The following EPPIN variants were observed in gnomAD, a reference collection of about 807,000 sequenced individuals.
The protein encoded by EPPIN is WAP four-disulfide core domain protein 7.
A neutral mutation model predicts 18.8 loss-of-function variants in EPPIN; 14 were observed. That is an observed-to-expected ratio of 0.75 (90% CI 0.49 to 1.17). The LOEUF (loss-of-function observed/expected upper bound fraction) is 1.17, where lower values mean the gene tolerates loss of function less well. EPPIN is among the 50% of genes most tolerant of loss of function. EPPIN has a pLI of 0.00. For missense variants in EPPIN, 143 were observed against 154.2 expected (o/e 0.93, Z 0.39); for synonymous variants, 57 against 54.8 (o/e 1.04, Z -0.18).
At chr20:45,542,386 T>C in intron 3 of EPPIN, 1 of 653,370 alleles carries the variant, frequency 1.5e-6, no homozygotes, top group South Asian at 2.0e-5. Context: ...TGTCTTAAGT[T>C]TAGCGTCCTG....
At position 45,541,322 on chromosome 20, in the gene EPPIN, A is replaced by G. The variant is rs1254316842; in HGVS notation, c.*822T>C. The G allele has an allele frequency of 1.3e-5, 2 of 152,200 alleles. No homozygotes were observed. Among genetic ancestry groups the G allele is most frequent in the Non-Finnish European group, 2.9e-5 (2 of 68,040 alleles). 9.4% of individuals were successfully genotyped at this position (152,200 alleles called of 1,614,324 possible). A position where few individuals can be genotyped will look rare whatever the true frequency, so the allele number is the denominator to read the frequency against. ...AGGTAATGGGTTGATAGGTGCAGCA[A>G]ACCACCATGGCACAGGCTTACCTAT... On this transcript the variant is annotated 3_prime_UTR_variant, in exon 4 of 4. Coordinates refer to ENST00000354280, the MANE Select transcript of EPPIN (RefSeq NM_020398.4).
Position 45,540,643 on chromosome 20 carries a change from T to A in EPPIN, c.*1501A>T, listed in dbSNP as rs1050194289. ...ACAGACACTTCTCAAAAGAAGACAT[T>A]TATGCGGCCAACAAACATATGAAAA... On this transcript the variant is annotated 3_prime_UTR_variant, in exon 4 of 4. Coordinates refer to ENST00000354280, the MANE Select transcript of EPPIN (RefSeq NM_020398.4). The A allele has an allele frequency of 6.6e-6, 1 of 152,088 alleles. No individual in the cohort carries two copies. Among genetic ancestry groups the A allele is most frequent in the African/African-American group, 2.4e-5 (1 of 41,392 alleles). 9.4% of individuals were successfully genotyped at this position (152,088 alleles called of 1,614,324 possible).
chr20:45,543,882 T>A (rs1979713315), intron 2 of EPPIN: 1 of 152,542 alleles, frequency 6.6e-6, no homozygotes, highest in Admixed American at 6.6e-5. Context: ...TATACCTCCA[T>A]CCCTTTGCAC....
rs1979600812 is a variant in EPPIN at position 45,541,820 on chromosome 20, C to T, written c.*324G>A. On this transcript the variant is annotated 3_prime_UTR_variant, in exon 4 of 4. Transcript: ENST00000354280. Reference sequence around the variant, plus strand: ...AAAGTGTAATGTGCCAAAAAGATGTCAATCACTCAGCCTCAAGGCACAGGA... The same window carrying T: ...AAAGTGTAATGTGCCAAAAAGATGTTAATCACTCAGCCTCAAGGCACAGGA... The T allele has an allele frequency of 6.8e-6, 2 of 292,414 alleles. No homozygotes were observed. Among genetic ancestry groups the T allele is most frequent in the Non-Finnish European group, 1.3e-5 (2 of 156,448 alleles). The allele number at this position is 292,414 out of a possible 1,614,324, so 18.1% of individuals were successfully genotyped here. A position where few individuals can be genotyped will look rare whatever the true frequency, so the allele number is the denominator to read the frequency against.
At chr20:45,542,534 A>G in intron 3 of EPPIN, 166 bp downstream of exon 3, 1 of 1,021,850 alleles carries the variant, frequency 9.8e-7, no homozygotes, top group Non-Finnish European at 1.4e-6. Context: ...TCAGAAAGTA[A>G]CTTTGTCTTG....
intron 1 of EPPIN, 87 bp from the exon 2 acceptor site, chr20:45,545,857 C>A: frequency 6.4e-7 from 1 of 1,560,644 alleles, no homozygotes; most frequent in Non-Finnish European, 8.7e-7. Context: ...TCTAGAGAGT[C>A]AGGGAAGTTT....
intron 2 of EPPIN, chr20:45,545,250 GTCACT>G: frequency 1.0e-5 from 2 of 200,106 alleles, no homozygotes; most frequent in South Asian, 1.2e-4. Context: ...CAGAGAGGTG[GTCACT>G]CCATAGCAAA....
At position 45,545,685 on chromosome 20, in the gene EPPIN, C is replaced by T; in HGVS notation, c.177G>A (p.Lys59=). Residue 59 remains lysine, a synonymous_variant, in exon 2 of 4, where the codon AAG becomes AAA. Coordinates refer to ENST00000354280, the MANE Select transcript of EPPIN (RefSeq NM_020398.4). ...TTTTTCCGCAGCTGAAGACACAACA[C>T]TTCTTGTTGTCCTGGCATTGTCTGT... The part of the protein sequence containing the change: ...TKDRQCQDNK[K]CCVFSCGKKC... The T allele has an allele frequency of 1.2e-6, 2 of 1,614,084 alleles. No individual in the cohort carries two copies. The highest frequency in any genetic ancestry group is 2.2e-5 in the South Asian group (2 of 91,082).
intron 2 of EPPIN, 99 bp from the exon 3 acceptor site, chr20:45,542,966 T>A (rs1377689681): frequency 1.3e-6 from 2 of 1,486,972 alleles, no homozygotes; most frequent in Non-Finnish European, 8.9e-7. Flanking sequence ...GAAACTGGAG[T>A]AGGCTCCTTT....
intron 3 of EPPIN, 169 bp from the exon 4 acceptor site, chr20:45,542,323 G>T: frequency 1.2e-6 from 1 of 862,924 alleles, no homozygotes; most frequent in Non-Finnish European, 1.8e-6. Context: ...GTGAATCGCT[G>T]CCAAAGAGTT....
chr20:45,542,222 A>G, intron 3 of EPPIN, 68 bp from the exon 4 acceptor site: 6 of 1,598,536 alleles, frequency 3.8e-6, no homozygotes, highest in Non-Finnish European at 4.3e-6. Context: ...GCTTGAAGTT[A>G]TGTTTATACA....
In EPPIN at chr20:45,542,882, C is replaced by G; in HGVS notation, c.224-15G>C. On this transcript the variant is annotated splice_polypyrimidine_tract_variant and intron_variant, in intron 2 of 3. Transcript: ENST00000354280. ...TTCGCATACATCTGCAGAGAGACTC[C>G]AGAGTTGAAAACTCAGTGTGCCCAC... 6.2e-7 allele frequency: 1 copy of G among 1,601,586 alleles called. No homozygotes were observed. The highest frequency in any genetic ancestry group is 8.5e-7 in the Non-Finnish European group (1 of 1,175,042).
intron 2 of EPPIN, chr20:45,544,444 T>C (rs1356516918): frequency 6.6e-6 from 1 of 152,144 alleles, no homozygotes; most frequent in Non-Finnish European, 1.5e-5. Context: ...GTTGTTAATT[T>C]ATCCAAGACA....
In EPPIN at chr20:45,547,300, G is replaced by A; in HGVS notation, c.58C>T (p.Gln20Ter). 1 of 1,613,936 alleles carries A rather than the reference G, an allele frequency of 6.2e-7. No homozygotes were observed. Among genetic ancestry groups the A allele is most frequent in the Non-Finnish European group, 8.5e-7 (1 of 1,179,892 alleles). The change falls in exon 1 of 4, where the codon CAG becomes TAG. Residue 20 changes from glutamine to a stop codon, truncating the protein, a stop_gained. Coordinates refer to ENST00000354280, the MANE Select transcript of EPPIN (RefSeq NM_020398.4). LOFTEE classifies it high-confidence loss of function. ...AACCAATCAGTCAGACCAGGTCCCT[G>A]GACATTCGCTAAGAGGACGAATAGC... is the stretch of plus-strand genomic sequence containing the variant. The part of the protein sequence containing the change: ...LVLFVLLANV[Q>*]GPGLTDWLFP...
chr20:45,547,116 A>G (rs1979865485), intron 1 of EPPIN, 151 bp downstream of exon 1: 1 of 1,114,840 alleles, frequency 9.0e-7, no homozygotes. Flanking sequence ...AATCTTACAC[A>G]GGAGGGATCT....
At position 45,542,572 on chromosome 20, in the gene EPPIN, T is replaced by C. The variant is rs560175710; in HGVS notation, c.391+128A>G. The C allele has an allele frequency of 2.9e-6, 4 of 1,398,844 alleles. No individual in the cohort carries two copies. In the South Asian group the frequency reaches 4.3e-5, roughly 15 times the overall value. 86.7% of individuals were successfully genotyped at this position (1,398,844 alleles called of 1,614,324 possible). ...TTTTGCCAGGTGCATTCTTACCTCC[T>C]GATCAGAGCTGGTTCTGTCAGCACC... On this transcript the variant is annotated intron_variant, in intron 3 of 3. Transcript: ENST00000354280.
At chr20:45,547,080 G>T (rs186492701) in intron 1 of EPPIN, among the ~76,000 whole-genome samples, 187 bp downstream of exon 1, 14 of 152,274 alleles carry the variant, frequency 9.2e-5, no homozygotes, top group Admixed American at 9.2e-4. Context: ...GATTGCCTAA[G>T]TTGGGGTTAC....
rs978620831 is a variant in EPPIN, at chr20:45,541,660, G to A, written c.*484C>T. 1.9e-5 allele frequency: 3 copies of A among 154,902 alleles called. No individual in the cohort carries two copies. Among genetic ancestry groups the A allele is most frequent in the African/African-American group, 7.2e-5 (3 of 41,434 alleles). 9.6% of individuals were successfully genotyped at this position (154,902 alleles called of 1,614,324 possible). On this transcript the variant is annotated 3_prime_UTR_variant, in exon 4 of 4. Coordinates refer to ENST00000354280, the MANE Select transcript of EPPIN (RefSeq NM_020398.4). ...CTGTCCTTGGGCCCTTGCCTAAAAA[G>A]GGTTTTACAATCTTTTGTAGAAACA...
chr20:45,547,369 G>A lies in EPPIN; in HGVS notation c.-12C>T. The A allele has an allele frequency of 1.2e-6, 2 of 1,613,396 alleles. No individual in the cohort carries two copies. Among genetic ancestry groups the A allele is most frequent in the Non-Finnish European group, 1.7e-6 (2 of 1,179,828 alleles). ...CCAGAAGATCCCATGTTGAAGAGAG[G>A]CCAGCCTTTCTGGTGGTTCCCGAAT... On this transcript the variant is annotated 5_prime_UTR_variant, in exon 1 of 4. Transcript: ENST00000354280.
Sources: gnomAD v4.1 joint callset for allele counts (sites outside exome capture counted in the v4.1 genomes callset) on GRCh38, gnomAD v4.1.1 for gene constraint, MANE v1.5 for transcripts, NCBI Gene and HGNC (gene_info 2026-07-23, HGNC 2026-07-21) for gene names.